The following IL6R variants were observed in gnomAD, a reference collection of about 807,000 sequenced individuals.
The protein encoded by IL6R is interleukin-6 receptor subunit alpha.
IL6R carries 38 observed loss-of-function variants against 48.3 expected under a neutral mutation model. That is an observed-to-expected ratio of 0.79 (90% CI 0.61 to 1.03). The LOEUF is 1.03. Among genes scored for constraint, IL6R ranks in the 50% least tolerant of loss-of-function variants. The pLI is 0.00. For synonymous variants in IL6R, 264 were observed against 256.2 expected (o/e 1.03, Z -0.29); for missense variants, 534 against 618.3 (o/e 0.86, Z 1.45).
chr1:154,417,436 G>A (rs935127797), intron 1 of IL6R, among the ~76,000 whole-genome samples: 5 of 152,144 alleles, frequency 3.3e-5, no homozygotes, highest in African/African-American at 1.2e-4. Context: ...GTCCCTTTCA[G>A]GACCAAAATA....
chr1:154,428,974 G>A (rs1689133529), intron 1 of IL6R, among the ~76,000 whole-genome samples: 1 of 152,160 alleles, frequency 6.6e-6, no homozygotes, highest in South Asian at 2.1e-4. Context: ...CAGGGAGTGG[G>A]GTGGCTGGAT....
intron 5 of IL6R, 22 bp downstream of exon 5, chr1:154,435,178 G>C (rs1689540899): frequency 1.9e-6 from 3 of 1,610,694 alleles, no homozygotes; most frequent in South Asian, 2.2e-5. Flanking sequence ...TTTTACTTCT[G>C]GTCAGAGAGG....
chr1:154,455,747 C>T (rs997952086), intron 9 of IL6R, among the ~76,000 whole-genome samples: 7 of 151,380 alleles, frequency 4.6e-5, no homozygotes, highest in Non-Finnish European at 8.9e-5. Flanking sequence ...CCACCGCGCC[C>T]AGCCTGTGGA....
chr1:154,427,248 G>A (rs974407347), intron 1 of IL6R, among the ~76,000 whole-genome samples: 2 of 152,204 alleles, frequency 1.3e-5, no homozygotes, highest in African/African-American at 2.4e-5. Context: ...ACAGTACTGT[G>A]TGCTGTGTCC....
At chr1:154,447,476 T>TATATATATACATAC (rs1424013885) in intron 6 of IL6R, among the ~76,000 whole-genome samples, 43 of 68,820 alleles carry the variant, frequency 6.2e-4, no homozygotes, top group Non-Finnish European at 1.0e-3. Flanking sequence ...TATATATATA[T>TATATATATACATAC]ACACACACAC....
intron 1 of IL6R, among the ~76,000 whole-genome samples, chr1:154,409,963 T>C (rs1250306283): frequency 6.6e-6 from 1 of 152,120 alleles, no homozygotes; most frequent in African/African-American, 2.4e-5. Context: ...GAAGAAAATA[T>C]ACAAATCTCT....
chr1:154,419,207 C>T (rs1688516334), intron 1 of IL6R, among the ~76,000 whole-genome samples: 1 of 152,134 alleles, frequency 6.6e-6, no homozygotes, highest in African/African-American at 2.4e-5. Flanking sequence ...CCCTGGCAGA[C>T]TTTTTGTGAG....
rs896742927 is a variant in IL6R, at chr1:154,468,574, C to G, written c.*3194C>G. 1 of 152,222 alleles carries G rather than the reference C, an allele frequency of 6.6e-6. No homozygotes were observed. The highest frequency in any genetic ancestry group is 1.5e-5 in the Non-Finnish European group (1 of 68,052). The allele number at this position is 152,222 out of a possible 1,614,324, so 9.4% of individuals were successfully genotyped here. On this transcript the variant is annotated 3_prime_UTR_variant, in exon 10 of 10. Coordinates refer to ENST00000368485, the MANE Select transcript of IL6R (RefSeq NM_000565.4). ...TGGCCCTGATGGGGACTTGCCCTTA[C>G]GCTTTCTTTATCAGGCTCTGAGTTC...
In IL6R at chr1:154,447,442, A is replaced by ATATATATATAT. The variant is rs375992381; in HGVS notation, c.950-683_950-682insTATATATATAT. Among the ~76,000 whole-genome samples the ATATATATATAT allele has an allele frequency of 3.2e-3, 195 of 60,156 alleles. 16 individuals carry two copies. The highest frequency in any genetic ancestry group is 0.016 in the Middle Eastern group (2 of 126). The allele number at this position is 60,156 out of a possible 152,430, so 39.5% of individuals were successfully genotyped here. On this transcript the variant is annotated intron_variant, in intron 6 of 9. Coordinates refer to ENST00000368485, the MANE Select transcript of IL6R (RefSeq NM_000565.4). ...CAAAAGAGTGAAACTCCATCTCAAA[A>ATATATATATAT]AAAAAAAAAAAAATATATATATATA... is the stretch of plus-strand genomic sequence containing the variant.
At chr1:154,441,529 G>A (rs1428635690) in intron 6 of IL6R, among the ~76,000 whole-genome samples, 4 of 152,200 alleles carry the variant, frequency 2.6e-5, no homozygotes, top group Admixed American at 2.6e-4. Context: ...TCTCTGCTGA[G>A]GGAAGAGCAA....
rs758016763 is a variant in IL6R at position 154,429,371 on chromosome 1, G to A, written c.261G>A (p.Gln87=). Residue 87 remains glutamine, a synonymous_variant, in exon 2 of 10, where the codon CAG becomes CAA. Coordinates refer to ENST00000368485, the MANE Select transcript of IL6R (RefSeq NM_000565.4). ...GGAGGCTGCTGCTGAGGTCGGTGCA[G>A]CTCCACGACTCTGGAAACTATTCAT... The part of the protein sequence containing the change: ...MGRRLLLRSV[Q]LHDSGNYSCY... 1.4e-5 allele frequency: 22 copies of A among 1,614,014 alleles called. No homozygotes were observed. In the South Asian group the frequency reaches 2.1e-4, roughly 15 times the overall value.
In IL6R at chr1:154,405,918, T is replaced by A. The variant is rs557085161; in HGVS notation, c.85+204T>A. Among the ~76,000 whole-genome samples the A allele has an allele frequency of 7.9e-5, 12 of 152,234 alleles. No individual in the cohort carries two copies. The South Asian group carries it at 2.5e-3, about 32-fold the overall frequency. ...GCGCCCCCTGCTGCGCTTGCTCCCT[T>A]GGTCCGGAGCGCTCCCCGGAATGCC... On this transcript the variant is annotated intron_variant, in intron 1 of 9. Coordinates refer to ENST00000368485, the MANE Select transcript of IL6R (RefSeq NM_000565.4). The surrounding 1 kb of genome is among the most constrained non-coding windows in gnomAD (Gnocchi z 5.2).
In IL6R at chr1:154,416,360, G is replaced by A. The variant is rs547318299; in HGVS notation, c.85+10646G>A. Among the ~76,000 whole-genome samples, 9 of 151,214 alleles carry A rather than the reference G, an allele frequency of 6.0e-5. 1 individual carries two copies. In the South Asian group the frequency reaches 1.7e-3, roughly 28 times the overall value. ...GAGTTTTGCTATGTTGCCTAGGCTGGTCTTGAGCTCCTGGTCTCAAGAGAT... is the reference window on the plus strand; with the variant it reads ...GAGTTTTGCTATGTTGCCTAGGCTGATCTTGAGCTCCTGGTCTCAAGAGAT... On this transcript the variant is annotated intron_variant, in intron 1 of 9. Coordinates refer to ENST00000368485, the MANE Select transcript of IL6R (RefSeq NM_000565.4).
chr1:154,455,004 C>T lies in IL6R; in HGVS notation c.1160+423C>T, dbSNP rs185065129. Among the ~76,000 whole-genome samples, 315 of 152,036 alleles carry T rather than the reference C, an allele frequency of 2.1e-3. 3 individuals are homozygous for T. The highest frequency in any genetic ancestry group is 5.0e-3 in the Admixed American group (77 of 15,266). On this transcript the variant is annotated intron_variant, in intron 9 of 9. Coordinates refer to ENST00000368485, the MANE Select transcript of IL6R (RefSeq NM_000565.4). The stretch of plus-strand genomic sequence containing the variant: ...TCGCCTCACAGGACAACCTCTGCCT[C>T]CTAGGTTCAAGTGATCCTCCCACCT...
chr1:154,464,955 G>A (rs1427484973), intron 9 of IL6R, among the ~76,000 whole-genome samples, 179 bp from the exon 10 acceptor site: 1 of 152,116 alleles, frequency 6.6e-6, no homozygotes, highest in Non-Finnish European at 1.5e-5. Flanking sequence ...GCAAGATCCT[G>A]TCTCAAAACA....
intron 6 of IL6R, among the ~76,000 whole-genome samples, chr1:154,442,458 C>A (rs1689989847): frequency 6.6e-6 from 1 of 152,104 alleles, no homozygotes; most frequent in Non-Finnish European, 1.5e-5. Context: ...GGTGGGTGGT[C>A]TGAGTGGGAC....
At chr1:154,426,909 G>T (rs1028738785) in intron 1 of IL6R, among the ~76,000 whole-genome samples, 1 of 148,876 alleles carries the variant, frequency 6.7e-6, no homozygotes, top group Non-Finnish European at 1.5e-5. Context: ...TCACCTTCTA[G>T]GGACTCAGAA....
intron 4 of IL6R, 46 bp from the exon 5 acceptor site, chr1:154,434,944 C>T (rs754738630): frequency 2.5e-6 from 4 of 1,602,352 alleles, no homozygotes; most frequent in Non-Finnish European, 2.6e-6. Context: ...GGCTTCTCTA[C>T]ACTATATTTG....
intron 1 of IL6R, among the ~76,000 whole-genome samples, chr1:154,408,563 A>T (rs949656147): frequency 3.3e-5 from 5 of 152,094 alleles, no homozygotes; most frequent in Non-Finnish European, 7.4e-5. Flanking sequence ...ACTGAGGACC[A>T]AGATCCCAAG....
Sources: gnomAD v4.1 joint callset for allele counts (sites outside exome capture counted in the v4.1 genomes callset) on GRCh38, gnomAD v4.1.1 for gene constraint, Gnocchi (gnomAD v3.1) non-coding constraint, MANE v1.5 for transcripts, NCBI Gene and HGNC (gene_info 2026-07-23, HGNC 2026-07-21) for gene names.